The following RGS6 variants were observed in gnomAD, a reference collection of about 807,000 sequenced individuals.
RGS6 encodes regulator of G-protein signaling 6.
RGS6 carries 30 observed loss-of-function variants against 78.5 expected under a neutral mutation model. The observed-to-expected ratio is 0.38, with a 90% confidence interval of 0.29 to 0.52. RGS6 has a LOEUF of 0.52. RGS6 is among the 20% of genes least tolerant of loss of function. The pLI, the probability that RGS6 is intolerant of heterozygous loss-of-function variation, is 0.85. For synonymous variants in RGS6, 206 were observed against 206.0 expected, an observed-to-expected ratio of 1.00 and a Z score of 0.00; for missense variants, 495 against 609.7, an observed-to-expected ratio of 0.81 and a Z score of 1.98.
At chr14:72,183,736 C>T (rs1285973865) in intron 2 of RGS6, among the ~76,000 whole-genome samples, 1 of 152,090 alleles carries the variant, frequency 6.6e-6, no homozygotes, top group Non-Finnish European at 1.5e-5. Flanking sequence ...AAAATAAATA[C>T]CAAAGCAAGC....
In RGS6 at chr14:72,459,647, C is replaced by A; in HGVS notation, c.358C>A (p.Pro120Thr). 6.2e-7 allele frequency: 1 copy of A among 1,614,064 alleles called. No individual in the cohort carries two copies. The highest frequency in any genetic ancestry group is 1.1e-5 in the South Asian group (1 of 91,076). The change falls in exon 6 of 18, where the codon CCT becomes ACT. Residue 120 changes from proline to threonine, a missense_variant. Physicochemically the swap from Pro to Thr is conservative, Grantham distance 38. Transcript: ENST00000553525. ...FYRFQAPYFW[P>T]SNCWEPENTD... Reference sequence around the variant, plus strand: ...TCCTTTGCAGGCTCCGTACTTCTGGCCTTCGAACTGCTGGGAACCTGAAAA... The same window carrying A: ...TCCTTTGCAGGCTCCGTACTTCTGGACTTCGAACTGCTGGGAACCTGAAAA...
intron 2 of RGS6, among the ~76,000 whole-genome samples, chr14:72,166,137 CAG>C (rs2096924539): frequency 6.9e-6 from 1 of 144,350 alleles, no homozygotes; most frequent in Admixed American, 6.9e-5. Flanking sequence ...CACACACACA[CAG>C]ACTGACTTTG....
At chr14:72,175,840 G>A (rs1193433028) in intron 2 of RGS6, among the ~76,000 whole-genome samples, 1 of 152,152 alleles carries the variant, frequency 6.6e-6, no homozygotes, top group Non-Finnish European at 1.5e-5. Flanking sequence ...GGGAGGAAGA[G>A]AGGGGAAGGG....
Position 72,552,246 on chromosome 14 carries a change from GAGTT to G in RGS6, c.1423-10166_1423-10163del, listed in dbSNP as rs1019902953. On this transcript the variant is annotated intron_variant, in intron 17 of 17. Coordinates refer to ENST00000553525, the MANE Select transcript of RGS6 (RefSeq NM_001204424.2). ...GGCTTATTTTTAAAGTCAACTCAGA[GAGTT>G]AGTTTTTCTGCATTTCCTGGAAATG... Among the ~76,000 whole-genome samples the G allele has an allele frequency of 5.3e-4, 80 of 152,216 alleles. 1 individual carries two copies. Among genetic ancestry groups the G allele is most frequent in the African/African-American group, 1.7e-3 (72 of 41,466 alleles).
chr14:72,025,085 T>C lies in RGS6; in HGVS notation c.84+60210T>C, dbSNP rs572612302. ...ATACGTGTCCCTATGTTTCTGTATA[T>C]AAAGACAGAAAGAGGGAGTTTGAGA... On this transcript the variant is annotated intron_variant, in intron 2 of 17. Coordinates refer to ENST00000553525, the MANE Select transcript of RGS6 (RefSeq NM_001204424.2). 1.1e-3 allele frequency among the ~76,000 whole-genome samples: 164 copies of C among 152,268 alleles called. 1 individual carries two copies. The highest frequency in any genetic ancestry group is 3.8e-3 in the African/African-American group (158 of 41,546).
At chr14:72,295,684 T>C (rs1021278006) in intron 2 of RGS6, among the ~76,000 whole-genome samples, 10 of 152,214 alleles carry the variant, frequency 6.6e-5, no homozygotes, top group African/African-American at 1.9e-4. Context: ...TAGGGTAATA[T>C]AGAATTGTAA....
At chr14:72,126,032 C>T (rs972032360) in intron 2 of RGS6, among the ~76,000 whole-genome samples, 2 of 152,150 alleles carry the variant, frequency 1.3e-5, no homozygotes, top group Non-Finnish European at 2.9e-5. Flanking sequence ...CAACTAAAAG[C>T]AAGTGAGGCA....
At chr14:72,589,379 G>A in the RGS6 span, among the ~76,000 whole-genome samples, 3 of 152,008 alleles carry the variant, frequency 2.0e-5, no homozygotes, top group African/African-American at 4.8e-5. Context: ...GTGAAACCCC[G>A]TCTCTACAAA....
intron 2 of RGS6, among the ~76,000 whole-genome samples, chr14:72,321,408 G>C (rs1050446631): frequency 2.6e-5 from 4 of 151,608 alleles, no homozygotes; most frequent in African/African-American, 9.7e-5. Context: ...TAAAAAAAAA[G>C]ATTCTGAAAT....
intron 15 of RGS6, among the ~76,000 whole-genome samples, chr14:72,520,859 C>T (rs2097027949): frequency 6.6e-6 from 1 of 152,248 alleles, no homozygotes; most frequent in Non-Finnish European, 1.5e-5. Context: ...CTTTCTGACA[C>T]AGCCCTAAGA....
At chr14:72,295,164 G>A (rs1196824623) in intron 2 of RGS6, among the ~76,000 whole-genome samples, 6 of 150,584 alleles carry the variant, frequency 4.0e-5, no homozygotes, top group Non-Finnish European at 8.9e-5. Flanking sequence ...AGTGGCGGGC[G>A]CCTGTAGTCC....
At chr14:71,875,831 T>G in the RGS6 span, among the ~76,000 whole-genome samples, 45 of 152,304 alleles carry the variant, frequency 3.0e-4, no homozygotes, top group African/African-American at 1.1e-3. Context: ...TCCCAGAGAT[T>G]CTTGTATGTT....
chr14:72,478,925 A>C (rs2153361846), intron 12 of RGS6, among the ~76,000 whole-genome samples: 1 of 152,308 alleles, frequency 6.6e-6, no homozygotes, highest in Non-Finnish European at 1.5e-5. Flanking sequence ...TATCAACTAA[A>C]TGGTCTGTTT....
chr14:71,977,220 C>CA (rs2094181651), intron 2 of RGS6, among the ~76,000 whole-genome samples: 2 of 85,600 alleles, frequency 2.3e-5, no homozygotes, highest in South Asian at 9.5e-4. Flanking sequence ...GTTGCCTGTT[C>CA]ACTCTGATGG....
intron 2 of RGS6, among the ~76,000 whole-genome samples, chr14:72,287,614 G>C (rs1210928595): frequency 6.6e-6 from 1 of 151,982 alleles, no homozygotes; most frequent in East Asian, 1.9e-4. Flanking sequence ...GTGCCACCAT[G>C]CCTGGCTAAT....
intron 2 of RGS6, among the ~76,000 whole-genome samples, chr14:72,141,592 C>A (rs990969994): frequency 5.9e-5 from 9 of 152,128 alleles, no homozygotes; most frequent in Admixed American, 5.9e-4. Flanking sequence ...ACTCCTTGAG[C>A]CTGTCCTGTG....
At chr14:72,254,827 T>A (rs1455327572) in intron 2 of RGS6, among the ~76,000 whole-genome samples, 1 of 152,170 alleles carries the variant, frequency 6.6e-6, no homozygotes, top group East Asian at 1.9e-4. Context: ...GGGCTCAGGC[T>A]CATTAGCACC....
intron 2 of RGS6, among the ~76,000 whole-genome samples, chr14:72,111,630 T>A (rs1164071473): frequency 1.3e-5 from 2 of 152,174 alleles, no homozygotes; most frequent in Non-Finnish European, 2.9e-5. Context: ...ATTGCCAGGA[T>A]CTGTTAGTCA....
intron 2 of RGS6, among the ~76,000 whole-genome samples, chr14:72,078,059 A>G (rs950114054): frequency 6.6e-6 from 1 of 152,108 alleles, no homozygotes; most frequent in African/African-American, 2.4e-5. Context: ...CTCATGTCCG[A>G]TCGTGGTCCC....
Sources: allele counts gnomAD v4.1 joint callset (sites outside exome capture counted in the v4.1 genomes callset), GRCh38; gene constraint gnomAD v4.1.1; transcripts MANE v1.5; gene names NCBI Gene and HGNC (gene_info 2026-07-23, HGNC 2026-07-21).